Variants in TMEM131 observed in about 807,000 individuals in gnomAD.
TMEM131 encodes 2610524E03Rik.
Under a neutral mutation model 211.6 loss-of-function variants are expected in TMEM131, and 66 were observed. The observed-to-expected ratio is 0.31, with a 90% CI of 0.26 to 0.38. The LOEUF (loss-of-function observed/expected upper bound fraction) is 0.38. Among genes scored for constraint, TMEM131 ranks in the 10% least tolerant of loss-of-function variants. The pLI, the probability that TMEM131 is intolerant of heterozygous loss-of-function variation, is 1.00. For missense variants in TMEM131, 2,036 were observed against 2,299.3 expected (o/e 0.89, Z 2.34); for synonymous variants, 844 against 841.3 (o/e 1.00, Z -0.06).
intron 4 of TMEM131, among the ~76,000 whole-genome samples, chr2:97,887,376 G>A (rs1034767343): frequency 5.3e-5 from 8 of 152,156 alleles, no homozygotes; most frequent in Admixed American, 2.6e-4. Context: ...TGCCCACAGG[G>A]CTGTTTTTCA....
chr2:97,993,846 C>A (rs937339237), intron 1 of TMEM131, among the ~76,000 whole-genome samples: 1 of 152,182 alleles, frequency 6.6e-6, no homozygotes, highest in Non-Finnish European at 1.5e-5. Flanking sequence ...TAACTTTACC[C>A]AGAGTAAAGT....
chr2:97,824,180 T>C (rs1343678901), intron 11 of TMEM131, among the ~76,000 whole-genome samples: 3 of 152,228 alleles, frequency 2.0e-5, no homozygotes, highest in Non-Finnish European at 4.4e-5. Flanking sequence ...CCATGTCCAC[T>C]ATGCTGAGGC....
chr2:97,914,069 C>A (rs750358031), intron 2 of TMEM131, among the ~76,000 whole-genome samples: 1 of 152,178 alleles, frequency 6.6e-6, no homozygotes, highest in African/African-American at 2.4e-5. Flanking sequence ...ATCTCCCCCA[C>A]AAAGTTCTCT....
chr2:97,761,412 T>C (rs1413445607), intron 36 of TMEM131: 1 of 159,730 alleles, frequency 6.3e-6, no homozygotes, highest in African/African-American at 2.4e-5. Flanking sequence ...GGTGACGCGA[T>C]GCACAGAAAC....
At chr2:97,905,975 T>C (rs879543151) in intron 3 of TMEM131, among the ~76,000 whole-genome samples, 22 of 152,330 alleles carry the variant, frequency 1.4e-4, no homozygotes, top group Admixed American at 6.5e-4. Flanking sequence ...AAAGCATATG[T>C]GTTGATGAAA....
rs1318276494 is a variant in TMEM131 at position 97,995,681 on chromosome 2, G to C, written c.-19C>G. On this transcript the variant is annotated 5_prime_UTR_variant, in exon 1 of 41. Transcript: ENST00000186436. ...TCCCCATCCCTGCCGGCCGGGGGCC[G>C]CCGCGCTCGAGGTCCGGCGCGGCCC... 8.4e-7 allele frequency: 1 copy of C among 1,197,100 alleles called. No individual in the cohort carries two copies. The highest frequency in any genetic ancestry group is 1.6e-5 in the African/African-American group (1 of 62,828). The allele number at this position is 1,197,100 out of a possible 1,614,324, so 74.2% of individuals were successfully genotyped here. A position where few individuals can be genotyped will look rare whatever the true frequency, so the allele number is the denominator to read the frequency against.
chr2:97,992,631 T>C (rs1452251193), intron 1 of TMEM131, among the ~76,000 whole-genome samples: 2 of 152,226 alleles, frequency 1.3e-5, no homozygotes, highest in African/African-American at 2.4e-5. Flanking sequence ...ACATGATATA[T>C]AATGCTTTTT....
Position 97,842,077 on chromosome 2 carries a change from C to T in TMEM131, c.601-140G>A, listed in dbSNP as rs1447740520. Reference sequence around the variant, plus strand: ...CAATCCCTTTATTTAAAAAAAACCCCCACAAATGTTGTTTCTGTACATGAT... The same window carrying T: ...CAATCCCTTTATTTAAAAAAAACCCTCACAAATGTTGTTTCTGTACATGAT... On this transcript the variant is annotated intron_variant, in intron 6 of 40. Transcript: ENST00000186436. The T allele has an allele frequency of 1.1e-5, 9 of 815,842 alleles. No individual in the cohort carries two copies. In the Admixed American group the frequency reaches 3.3e-4, roughly 30 times the overall value. The allele number at this position is 815,842 out of a possible 1,614,324, so 50.5% of individuals were successfully genotyped here.
chr2:97,851,838 A>G (rs1673638685), intron 5 of TMEM131, among the ~76,000 whole-genome samples: 2 of 152,194 alleles, frequency 1.3e-5, no homozygotes, highest in African/African-American at 4.8e-5. Context: ...CTAAGATACA[A>G]TAATATTACA....
chr2:97,833,473 AGCCAAGTT>A, intron 10 of TMEM131, 47 bp from the exon 11 acceptor site: 1 of 885,106 alleles, frequency 1.1e-6, no homozygotes, highest in Non-Finnish European at 1.8e-6. Flanking sequence ...GGTGCTTTTT[AGCCAAGTT>A]AGAATCTTTA....
intron 2 of TMEM131, among the ~76,000 whole-genome samples, chr2:97,916,661 A>C (rs528896286): frequency 2.0e-5 from 3 of 152,350 alleles, no homozygotes; most frequent in African/African-American, 7.2e-5. Flanking sequence ...AACAAAAAGC[A>C]CTACCTTGTA....
Position 97,776,009 on chromosome 2 carries a change from T to C in TMEM131, c.4154A>G (p.Lys1385Arg), listed in dbSNP as rs777260174. ...TGGTTTCACCTTGCGCTGAAGAGGT[T>C]TTCCTTTCCCTGAGGATAAAAATTA... ...SPLPKSKGKG[K>R]PLQRKVKPPK... The change falls in exon 32 of 41, where the codon AAA (lysine) becomes AGA (arginine). Residue 1385 changes from lysine to arginine, a missense_variant. By Grantham distance (26) the Lys-to-Arg change is conservative. Coordinates refer to ENST00000186436, the MANE Select transcript of TMEM131 (RefSeq NM_015348.2). 5 of 1,608,082 alleles carry C rather than the reference T, an allele frequency of 3.1e-6. No individual in the cohort carries two copies. The highest frequency in any genetic ancestry group is 4.2e-6 in the Non-Finnish European group (5 of 1,178,292).
In TMEM131 at chr2:97,920,218, C is replaced by T. The variant is rs539919458; in HGVS notation, c.249+7208G>A. Among the ~76,000 whole-genome samples, 8 of 152,268 alleles carry T rather than the reference C, an allele frequency of 5.3e-5. 1 individual carries two copies. The South Asian group carries it at 1.5e-3, about 28-fold the overall frequency. ...TAGCTTATTTTTCACAGGCAGTAGC[C>T]CTCAATCTCTTGCACTCCTAATTCT... On this transcript the variant is annotated intron_variant, in intron 2 of 40. Transcript: ENST00000186436.
At chr2:97,967,529 G>C (rs747971075) in intron 1 of TMEM131, among the ~76,000 whole-genome samples, 6 of 151,928 alleles carry the variant, frequency 3.9e-5, no homozygotes, top group African/African-American at 4.8e-5. Context: ...AAAAAAAAGA[G>C]TATAAAGATC....
chr2:97,805,130 A>G lies in TMEM131; in HGVS notation c.2360T>C (p.Leu787Pro). The G allele has an allele frequency of 1.9e-6, 3 of 1,613,862 alleles. No individual in the cohort carries two copies. The highest frequency in any genetic ancestry group is 2.5e-6 in the Non-Finnish European group (3 of 1,179,826). The change falls in exon 22 of 41, where the codon CTG becomes CCG. Residue 787 changes from leucine to proline, a missense_variant. By Grantham distance (98) the Leu-to-Pro change is moderately conservative (BLOSUM62 -3). Coordinates refer to ENST00000186436, the MANE Select transcript of TMEM131 (RefSeq NM_015348.2). ...WDADWDLHQS[L>P]FKGWTGIKEN... ...CTTTATTCCTGTCCATCCCTTGAACAGGCTTTGATGCAAATCCCAGTCAGC... is the reference window on the plus strand; with the variant it reads ...CTTTATTCCTGTCCATCCCTTGAACGGGCTTTGATGCAAATCCCAGTCAGC...
intron 13 of TMEM131, 33 bp from the exon 14 acceptor site, chr2:97,814,421 C>T (rs1681718066): frequency 1.3e-6 from 2 of 1,518,652 alleles, no homozygotes; most frequent in African/African-American, 1.4e-5. Context: ...CAAAATAAAT[C>T]ATTTTTATTT....
Position 97,796,356 on chromosome 2 carries a change from A to G in TMEM131, c.3062T>C (p.Val1021Ala). 1 of 1,543,080 alleles carries G rather than the reference A, an allele frequency of 6.5e-7. No individual in the cohort carries two copies. Among genetic ancestry groups the G allele is most frequent in the Non-Finnish European group, 8.7e-7 (1 of 1,146,224 alleles). Reference protein sequence around the residue: ...PNFTLKRTFKVENTGQLQIHI... With the variant: ...PNFTLKRTFKAENTGQLQIHI... ...AATTTGAAGTTGTCCTGTATTCTCT[A>G]CCTTAAATGTTCTTTTCAATGTGAA... The change falls in exon 28 of 41, where the codon GTA becomes GCA. Residue 1021 changes from valine to alanine, a missense_variant. By Grantham distance (64) the Val-to-Ala change is moderately conservative. Coordinates refer to ENST00000186436, the MANE Select transcript of TMEM131 (RefSeq NM_015348.2).
chr2:97,850,242 G>C (rs371439908), intron 5 of TMEM131, among the ~76,000 whole-genome samples: 3 of 152,090 alleles, frequency 2.0e-5, no homozygotes, highest in African/African-American at 7.2e-5. Flanking sequence ...AGACCTAACA[G>C]ATCTTCAGAT....
intron 32 of TMEM131, among the ~76,000 whole-genome samples, chr2:97,773,455 A>G (rs533354080): frequency 1.1e-4 from 16 of 152,170 alleles, no homozygotes; most frequent in African/African-American, 3.9e-4. Context: ...GCCCGCTAAA[A>G]TGTGGAATCT....
Sources: allele counts gnomAD v4.1 joint callset (sites outside exome capture counted in the v4.1 genomes callset), GRCh38; gene constraint gnomAD v4.1.1; transcripts MANE v1.5; gene names NCBI Gene and HGNC (gene_info 2026-07-23, HGNC 2026-07-21).